Variants in SLC7A7 observed in about 807,000 individuals in gnomAD.
SLC7A7 encodes the protein Y+L amino acid transporter 1.
A neutral mutation model predicts 47.9 loss-of-function variants in SLC7A7; 39 were observed. The observed-to-expected ratio is 0.81, with a 90% CI of 0.63 to 1.06. SLC7A7 has a LOEUF of 1.06. SLC7A7 is among the 50% of genes least tolerant of loss of function. The pLI, the probability that SLC7A7 is intolerant of heterozygous loss-of-function variation, is 0.00. For missense variants in SLC7A7, 588 were observed against 632.0 expected, an observed-to-expected ratio of 0.93 and a Z score of 0.75; for synonymous variants, 234 against 242.8, an observed-to-expected ratio of 0.96 and a Z score of 0.34.
intron 7 of SLC7A7, 47 bp from the exon 8 acceptor site, chr14:22,774,550 C>T: frequency 1.2e-6 from 2 of 1,612,592 alleles, no homozygotes; most frequent in Non-Finnish European, 1.7e-6. Context: ...CTTTGTTAAT[C>T]CAAAGGCTTT....
At position 22,775,980 on chromosome 14, in the gene SLC7A7, G is replaced by T. The variant is rs374532972; in HGVS notation, c.895-44C>A. On this transcript the variant is annotated intron_variant, in intron 5 of 9. Transcript: ENST00000674313. ...AGAGTCATTAGCAGGATCTAAAAGG[G>T]ATGAAAGACATGGATGGGCATGCCC... 5.9e-5 allele frequency: 90 copies of T among 1,524,982 alleles called. No homozygotes were observed. In the African/African-American group the frequency reaches 1.1e-3, roughly 19 times the overall value. 94.5% of individuals were successfully genotyped at this position (1,524,982 alleles called of 1,614,324 possible). A position where few individuals can be genotyped will look rare whatever the true frequency, so the allele number is the denominator to read the frequency against.
intron 2 of SLC7A7, among the ~76,000 whole-genome samples, chr14:22,790,785 T>G (rs1213431527): frequency 6.6e-6 from 1 of 151,188 alleles, no homozygotes; most frequent in East Asian, 1.9e-4. Context: ...GAATCACGAG[T>G]TCAAGAGATT....
upstream of SLC7A7, chr14:22,815,628 C>T (rs1388377568): frequency 6.6e-6 from 3 of 453,956 alleles, no homozygotes; most frequent in Non-Finnish European, 1.3e-5. Flanking sequence ...AGAAGGTGCT[C>T]TCTCAGGAAT....
chr14:22,778,723 C>G, intron 4 of SLC7A7, 70 bp downstream of exon 4: 1 of 1,550,186 alleles, frequency 6.5e-7, no homozygotes, highest in South Asian at 1.1e-5. Flanking sequence ...GGTATGCTGT[C>G]TGGCACGTAG....
chr14:22,804,066 C>G (rs1680346685), intron 2 of SLC7A7, among the ~76,000 whole-genome samples: 1 of 152,098 alleles, frequency 6.6e-6, no homozygotes, highest in Non-Finnish European at 1.5e-5. Context: ...ATAGTGAACA[C>G]ACACCTTCTG....
At chr14:22,785,727 A>AT (rs201263928) in intron 2 of SLC7A7, among the ~76,000 whole-genome samples, 1,700 of 132,356 alleles carry the variant, frequency 0.013, 39 homozygotes, top group African/African-American at 0.049. Flanking sequence ...ACTCCATCTC[A>AT]AAAAAAAAAA....
chr14:22,781,062 G>A (rs189342977), intron 2 of SLC7A7, among the ~76,000 whole-genome samples: 41 of 152,232 alleles, frequency 2.7e-4, no homozygotes, highest in Admixed American at 1.5e-3. Flanking sequence ...ATAGCGAATC[G>A]CTTCATTGCT....
chr14:22,792,333 C>T (rs1236383576), intron 2 of SLC7A7, among the ~76,000 whole-genome samples: 3 of 152,188 alleles, frequency 2.0e-5, no homozygotes, highest in South Asian at 2.1e-4. Flanking sequence ...AAGGCCAAGA[C>T]GTGAGGATCA....
chr14:22,781,873 T>C (rs1032853536), intron 2 of SLC7A7, among the ~76,000 whole-genome samples: 5 of 152,040 alleles, frequency 3.3e-5, no homozygotes, highest in Admixed American at 3.3e-4. Flanking sequence ...CAAATACAAA[T>C]TTATGATTCC....
At chr14:22,794,780 C>A in intron 2 of SLC7A7, among the ~76,000 whole-genome samples, 1 of 152,118 alleles carries the variant, frequency 6.6e-6, no homozygotes, top group Admixed American at 6.6e-5. Flanking sequence ...ACTTGACGAG[C>A]TTTAACAGTC....
chr14:22,779,185 C>T (rs2038671162), intron 3 of SLC7A7, among the ~76,000 whole-genome samples: 1 of 152,146 alleles, frequency 6.6e-6, no homozygotes, highest in African/African-American at 2.4e-5. Flanking sequence ...GGGTAGCTTT[C>T]TAGGATAAGA....
intron 3 of SLC7A7, 22 bp from the exon 4 acceptor site, chr14:22,778,959 AG>A (rs1293456793): frequency 6.2e-7 from 1 of 1,613,324 alleles, no homozygotes; most frequent in Non-Finnish European, 8.5e-7. Context: ...GAACATTGGA[AG>A]GCAGGGGATT....
At chr14:22,815,831 C>T (rs1419030181), upstream of SLC7A7, 1 of 375,178 alleles carries the variant, frequency 2.7e-6, no homozygotes, top group African/African-American at 2.1e-5. Context: ...TCTCTCTCAC[C>T]CCAAGCATTT....
chr14:22,773,942 T>C lies in SLC7A7; in HGVS notation c.1420A>G (p.Arg474Gly). 6.2e-7 allele frequency: 1 copy of C among 1,614,088 alleles called. No homozygotes were observed. The highest frequency in any genetic ancestry group is 1.1e-5 in the South Asian group (1 of 91,084). ...AGGATGCACGGCTTACCCACGATCCTTCGGAGGTAAAGCGGTCGCTTATGT... is the reference window on the plus strand; with the variant it reads ...AGGATGCACGGCTTACCCACGATCCCTCGGAGGTAAAGCGGTCGCTTATGT... ...PEHKRPLYLR[R>G]IVGSATRYLQ... is the part of the protein sequence containing the mutation. The change falls in exon 9 of 10, where the codon AGG becomes GGG. Residue 474 changes from arginine (R) to glycine (G), a missense_variant. Coordinates refer to ENST00000674313, the MANE Select transcript of SLC7A7 (RefSeq NM_003982.4).
chr14:22,779,456 TTTTTTTTTTTGGGGGGGGGACAGAGTCTC>T (rs1470207421), intron 3 of SLC7A7, among the ~76,000 whole-genome samples: 1 of 99,390 alleles, frequency 1.0e-5, no homozygotes, highest in Non-Finnish European at 2.3e-5. Flanking sequence ...ATTTAATTCT[TTTTTTTTTTTGGGGGGGGGACAGAGTCTC>T]GCTCTGTCGC....
At chr14:22,815,277 G>A in intron 1 of SLC7A7, 43 bp downstream of exon 1, 1 of 436,050 alleles carries the variant, frequency 2.3e-6, no homozygotes, top group Non-Finnish European at 4.6e-6. Context: ...AGGAGGGTTA[G>A]CAAGGTAAGT....
chr14:22,816,850 G>T (rs531742095), upstream of SLC7A7, among the ~76,000 whole-genome samples: 2 of 152,078 alleles, frequency 1.3e-5, no homozygotes, highest in African/African-American at 2.4e-5. Context: ...TCTAGGAGGA[G>T]GATTCTGGTG....
intron 1 of SLC7A7, 91 bp downstream of exon 1, chr14:22,815,229 C>T (rs1488357632): frequency 2.3e-5 from 9 of 388,052 alleles, no homozygotes; most frequent in Admixed American, 1.4e-4. Flanking sequence ...GAGAGGCACT[C>T]GGGAGAAGAA....
chr14:22,788,629 G>C (rs556909572), intron 2 of SLC7A7, among the ~76,000 whole-genome samples: 2 of 151,306 alleles, frequency 1.3e-5, no homozygotes, highest in East Asian at 1.9e-4. Flanking sequence ...GCTTGAACCC[G>C]GGAGGTGGAG....
Sources: allele counts gnomAD v4.1 joint callset (sites outside exome capture counted in the v4.1 genomes callset), GRCh38; gene constraint gnomAD v4.1.1; transcripts MANE v1.5; gene names NCBI Gene and HGNC (gene_info 2026-07-23, HGNC 2026-07-21).